Variants in DOK6 observed in about 807,000 individuals in gnomAD.
DOK6 encodes the protein docking protein 6.
DOK6 carries 22 observed loss-of-function variants against 44.0 expected under a neutral mutation model. The observed-to-expected ratio is 0.50, with a 90% CI of 0.36 to 0.71. The LOEUF (loss-of-function observed/expected upper bound fraction) is 0.71. Ranked by LOEUF, DOK6 falls within the 30% of genes least tolerant of loss-of-function variation. DOK6 has a pLI of 0.00. For missense variants in DOK6, 340 were observed against 416.4 expected (o/e 0.82, Z 1.60); for synonymous variants, 166 against 145.5 (o/e 1.14, Z -1.01).
intron 1 of DOK6, among the ~76,000 whole-genome samples, chr18:69,509,511 G>A (rs1266343766): frequency 1.3e-5 from 2 of 151,734 alleles, no homozygotes; most frequent in Admixed American, 6.6e-5. Flanking sequence ...GGTGGCGGGC[G>A]CCTTTAGTCC....
intron 3 of DOK6, among the ~76,000 whole-genome samples, chr18:69,601,229 G>A (rs1057078655): frequency 6.6e-6 from 1 of 152,066 alleles, no homozygotes; most frequent in Non-Finnish European, 1.5e-5. Flanking sequence ...TGCCCTCATA[G>A]ATCACAGAAT....
At chr18:69,515,082 A>C (rs1180868198) in intron 1 of DOK6, among the ~76,000 whole-genome samples, 2 of 152,162 alleles carry the variant, frequency 1.3e-5, no homozygotes, top group African/African-American at 2.4e-5. Context: ...GTTTGTTTTA[A>C]GTGTTTAACC....
chr18:69,757,905 T>TC lies in DOK6; in HGVS notation c.856+34dup, dbSNP rs754984812. 1.7e-4 allele frequency: 270 copies of TC among 1,553,548 alleles called. 3 individuals carry two copies. The African/African-American group carries it at 3.2e-3, about 19-fold the overall frequency. ...CACTTTAATGTAAGAAAGCAGTGCC[T>TC]CCATAAGCTTCCTCCAGGTGGACTG... On this transcript the variant is annotated intron_variant, in intron 7 of 7. Coordinates refer to ENST00000382713, the MANE Select transcript of DOK6 (RefSeq NM_152721.6).
intron 5 of DOK6, among the ~76,000 whole-genome samples, chr18:69,712,923 A>G (rs899438102): frequency 3.3e-5 from 5 of 152,216 alleles, no homozygotes; most frequent in Non-Finnish European, 5.9e-5. Flanking sequence ...ATAAAATTAT[A>G]TCTTTCCTGA....
rs554076142 is a variant in DOK6 at position 69,552,234 on chromosome 18, A to G, written c.67-12253A>G. On this transcript the variant is annotated intron_variant, in intron 1 of 7. Transcript: ENST00000382713. ...TATTAATCAAGATGTCAGAGCTCAG[A>G]GTGTTTTGGAAAAATAAATCTCCAT... 1.4e-4 allele frequency among the ~76,000 whole-genome samples: 21 copies of G among 152,264 alleles called. No homozygotes were observed. In the East Asian group the frequency reaches 3.9e-3, roughly 28 times the overall value.
chr18:69,814,765 T>G (rs1349439349), intron 7 of DOK6, among the ~76,000 whole-genome samples: 1 of 152,046 alleles, frequency 6.6e-6, no homozygotes, highest in Non-Finnish European at 1.5e-5. Context: ...GAGAACTCAC[T>G]ATTATGAGAA....
intron 1 of DOK6, among the ~76,000 whole-genome samples, chr18:69,500,237 T>G (rs527832821): frequency 2.6e-5 from 4 of 152,342 alleles, no homozygotes; most frequent in African/African-American, 7.2e-5. Flanking sequence ...TCTTCTAGTA[T>G]TCTCCGCCTC....
chr18:69,601,006 ACAT>A (rs1244239445), intron 3 of DOK6, among the ~76,000 whole-genome samples: 2 of 152,202 alleles, frequency 1.3e-5, no homozygotes, highest in African/African-American at 4.8e-5. Context: ...TTTTTGATTT[ACAT>A]CATTATAATC....
At chr18:69,818,942 G>C (rs1332028592) in intron 7 of DOK6, among the ~76,000 whole-genome samples, 1 of 152,182 alleles carries the variant, frequency 6.6e-6, no homozygotes, top group African/African-American at 2.4e-5. Flanking sequence ...CTTGCCCTCA[G>C]CAGGCTATTG....
intron 7 of DOK6, among the ~76,000 whole-genome samples, chr18:69,836,639 A>C (rs1982062939): frequency 3.3e-5 from 5 of 152,190 alleles, no homozygotes; most frequent in African/African-American, 9.7e-5. Flanking sequence ...TATTGCTTTT[A>C]AATTGTAGCA....
At chr18:69,830,158 A>G (rs534693360) in intron 7 of DOK6, among the ~76,000 whole-genome samples, 1 of 152,294 alleles carries the variant, frequency 6.6e-6, no homozygotes, top group East Asian at 1.9e-4. Flanking sequence ...AATTATGTTC[A>G]GTTTTTGTTA....
At chr18:69,536,255 A>G (rs1982119378) in intron 1 of DOK6, among the ~76,000 whole-genome samples, 1 of 152,198 alleles carries the variant, frequency 6.6e-6, no homozygotes, top group African/African-American at 2.4e-5. Flanking sequence ...AGAAATGCAG[A>G]ATCTGTGGTA....
chr18:69,742,022 T>C (rs1057080389), intron 6 of DOK6, among the ~76,000 whole-genome samples: 1 of 152,198 alleles, frequency 6.6e-6, no homozygotes, highest in African/African-American at 2.4e-5. Context: ...ATAACCCACT[T>C]TCTTTGGGGG....
At chr18:69,750,387 T>C (rs1178885546) in intron 6 of DOK6, among the ~76,000 whole-genome samples, 2 of 152,086 alleles carry the variant, frequency 1.3e-5, no homozygotes, top group African/African-American at 4.8e-5. Context: ...ACCACTTTCA[T>C]GTATAAAATA....
intron 1 of DOK6, among the ~76,000 whole-genome samples, chr18:69,458,261 G>A (rs1443506202): frequency 1.3e-5 from 2 of 152,164 alleles, no homozygotes; most frequent in African/African-American, 4.8e-5. Flanking sequence ...ATCAACAAAT[G>A]TGATTCACCA....
In DOK6 at chr18:69,739,052, C is replaced by T. The variant is rs780871919; in HGVS notation, c.687C>T (p.Ala229=). 2.5e-6 allele frequency: 4 copies of T among 1,613,988 alleles called. No homozygotes were observed. The highest frequency in any genetic ancestry group is 1.1e-5 in the South Asian group (1 of 91,088). Reference sequence around the variant, plus strand: ...AGAAGGTTCATTCTGCGACACTGGCCATAGCTGAGCAACATGAAAGATTAA... The same window carrying T: ...AGAAGGTTCATTCTGCGACACTGGCTATAGCTGAGCAACATGAAAGATTAA... ...IYQKVHSATL[A]IAEQHERLML... The change falls in exon 6 of 8, where the codon GCC becomes GCT. Residue 229 remains alanine (A), a synonymous_variant. Coordinates refer to ENST00000382713, the MANE Select transcript of DOK6 (RefSeq NM_152721.6).
At chr18:69,516,267 C>T (rs1425974899) in intron 1 of DOK6, among the ~76,000 whole-genome samples, 1 of 151,968 alleles carries the variant, frequency 6.6e-6, no homozygotes, top group Non-Finnish European at 1.5e-5. Flanking sequence ...AAAATTATAC[C>T]TTATCTAGTG....
chr18:69,482,679 A>G (rs1260840576), intron 1 of DOK6, among the ~76,000 whole-genome samples: 1 of 151,924 alleles, frequency 6.6e-6, no homozygotes. Context: ...TAGTTTGTGT[A>G]TCTTATGTAT....
intron 2 of DOK6, among the ~76,000 whole-genome samples, chr18:69,566,262 G>A (rs576455063): frequency 3.9e-5 from 6 of 151,990 alleles, no homozygotes; most frequent in Admixed American, 3.3e-4. Context: ...TCAGCCTCCC[G>A]AGTAGCTGGG....
Sources: allele counts gnomAD v4.1 joint callset (sites outside exome capture counted in the v4.1 genomes callset), GRCh38; gene constraint gnomAD v4.1.1; transcripts MANE v1.5; gene names NCBI Gene and HGNC (gene_info 2026-07-23, HGNC 2026-07-21).